Variants in NAV2 observed in about 807,000 individuals in gnomAD.
NAV2 encodes the protein helicase, APC down-regulated 1.
NAV2 carries 54 observed loss-of-function variants against 223.2 expected under a neutral mutation model. The ratio of observed to expected loss-of-function variants is 0.24; its 90% CI spans 0.19 to 0.30. NAV2 has a LOEUF of 0.30. NAV2 is among the 10% of genes least tolerant of loss of function. NAV2 has a pLI of 1.00. For synonymous variants in NAV2, 1,279 were observed against 1,239.3 expected, an observed-to-expected ratio of 1.03 and a Z score of -0.67; for missense variants, 2,806 against 3,147.5, an observed-to-expected ratio of 0.89 and a Z score of 2.60.
chr11:19,509,929 T>C (rs1187439522), intron 1 of NAV2, among the ~76,000 whole-genome samples: 1 of 152,208 alleles, frequency 6.6e-6, no homozygotes, highest in African/African-American at 2.4e-5. Flanking sequence ...GTCTGAGGTC[T>C]TTTCTCATTC....
At chr11:19,612,073 A>T (rs1446567917) in intron 1 of NAV2, among the ~76,000 whole-genome samples, 1 of 152,212 alleles carries the variant, frequency 6.6e-6, no homozygotes, top group Non-Finnish European at 1.5e-5. Flanking sequence ...TCAACACTAC[A>T]TGGAAGCTGC....
At chr11:19,835,310 G>T (rs894671586) in intron 2 of NAV2, among the ~76,000 whole-genome samples, 1 of 152,160 alleles carries the variant, frequency 6.6e-6, no homozygotes, top group Non-Finnish European at 1.5e-5. Context: ...GGATCGCTTT[G>T]TCCAGAGACT....
chr11:19,744,835 G>A (rs954928062), intron 1 of NAV2, among the ~76,000 whole-genome samples: 1 of 152,134 alleles, frequency 6.6e-6, no homozygotes, highest in African/African-American at 2.4e-5. Context: ...GATGTCAAAT[G>A]CCTTCTCTTA....
chr11:19,990,803 G>C (rs2051255138), intron 11 of NAV2, among the ~76,000 whole-genome samples: 1 of 152,148 alleles, frequency 6.6e-6, no homozygotes, highest in Admixed American at 6.5e-5. Context: ...CTCATTTCCA[G>C]TACTCAAAAG....
chr11:19,482,369 CCTGAGCTCT>C lies in NAV2; in HGVS notation c.75+131345_75+131353del, dbSNP rs2042306662. Among the ~76,000 whole-genome samples the C allele has an allele frequency of 1.1e-4, 16 of 152,276 alleles. No individual in the cohort carries two copies. In the South Asian group the frequency reaches 3.3e-3, roughly 32 times the overall value. ...ATGCTGCTGAATTAGTCTCCTGTTACCTGAGCTCTCTACAGTGAAACTCAACTGTCCTGG... is the reference window on the plus strand; with the variant it reads ...ATGCTGCTGAATTAGTCTCCTGTTACCTACAGTGAAACTCAACTGTCCTGG... On this transcript the variant is annotated intron_variant, in intron 1 of 37. Transcript: ENST00000360655.
Position 19,732,855 on chromosome 11 carries a change from A to G in NAV2, c.267+18893A>G, listed in dbSNP as rs549291644. On this transcript the variant is annotated intron_variant, in intron 1 of 37. Coordinates refer to ENST00000349880, the MANE Select transcript of NAV2 (RefSeq NM_145117.5). ...GCATCCTTTAGGAATCTGATGACTT[A>G]CGTGCCTCACACCAACTATTCTTCC... Among the ~76,000 whole-genome samples the G allele has an allele frequency of 7.9e-5, 12 of 152,346 alleles. No homozygotes were observed. The South Asian group carries it at 2.5e-3, about 32-fold the overall frequency.
chr11:19,585,064 T>A (rs2045849362), intron 1 of NAV2, among the ~76,000 whole-genome samples: 1 of 152,238 alleles, frequency 6.6e-6, no homozygotes. Flanking sequence ...TGGGTGCTCC[T>A]ATATTGGGTG....
chr11:19,507,540 A>G (rs570123245), intron 1 of NAV2, among the ~76,000 whole-genome samples: 1 of 152,324 alleles, frequency 6.6e-6, no homozygotes, highest in Admixed American at 6.5e-5. Flanking sequence ...GTGTCACTAA[A>G]TAGCTGCATC....
chr11:19,738,383 A>T lies in NAV2; in HGVS notation c.267+24421A>T, dbSNP rs189259178. ...CCAGGCCGGATTTCCAGTTCTGTAG[A>T]TGTAGATCATAAATGTGGGTGACAG... On this transcript the variant is annotated intron_variant, in intron 1 of 37. Transcript: ENST00000349880. Among the ~76,000 whole-genome samples, 4 of 152,340 alleles carry T rather than the reference A, an allele frequency of 2.6e-5. No individual in the cohort carries two copies. In the East Asian group the frequency reaches 5.8e-4, roughly 22 times the overall value.
chr11:19,471,790 C>T (rs958106458), intron 1 of NAV2, among the ~76,000 whole-genome samples: 7 of 152,154 alleles, frequency 4.6e-5, no homozygotes, highest in African/African-American at 7.2e-5. Flanking sequence ...CCCTACTGCA[C>T]CTCCCCTGGC....
At chr11:20,041,677 G>A (rs900598479) in intron 12 of NAV2, among the ~76,000 whole-genome samples, 1 of 152,186 alleles carries the variant, frequency 6.6e-6, no homozygotes, top group Non-Finnish European at 1.5e-5. Context: ...TATTCCTAGT[G>A]CGAATAAGCT....
intron 1 of NAV2, among the ~76,000 whole-genome samples, chr11:19,724,980 C>G (rs1305718008): frequency 6.6e-6 from 1 of 152,220 alleles, no homozygotes; most frequent in Middle Eastern, 3.2e-3. Context: ...TGTCAAGCCT[C>G]AATTTCCCTG....
chr11:19,403,939 C>A (rs57489799), intron 1 of NAV2, among the ~76,000 whole-genome samples: 124,183 of 151,608 alleles, frequency 0.82, 51,609 homozygotes, highest in Non-Finnish European at 0.9. Flanking sequence ...GTGGCTCTTA[C>A]GGGGACCATG....
intron 3 of NAV2, among the ~76,000 whole-genome samples, chr11:19,850,443 C>T (rs761829710): frequency 2.0e-5 from 3 of 152,084 alleles, no homozygotes; most frequent in Non-Finnish European, 2.9e-5. Flanking sequence ...GATGGACAGA[C>T]GGAAAGACCA....
chr11:19,792,847 T>C (rs1367995564), intron 1 of NAV2, among the ~76,000 whole-genome samples: 2 of 149,642 alleles, frequency 1.3e-5, no homozygotes, highest in African/African-American at 4.9e-5. Flanking sequence ...TTGTGAGGGA[T>C]GGGGGATGGA....
At chr11:20,028,384 C>G (rs1256445321) in intron 11 of NAV2, among the ~76,000 whole-genome samples, 34 of 152,248 alleles carry the variant, frequency 2.2e-4, no homozygotes, top group Non-Finnish European at 1.5e-5. Context: ...CTTTTCCCTT[C>G]ACATCTGTAT....
chr11:19,642,812 A>G (rs58975470), intron 1 of NAV2, among the ~76,000 whole-genome samples: 1,523 of 152,168 alleles, frequency 0.01, 35 homozygotes, highest in East Asian at 0.062. Flanking sequence ...TAATGTGGGC[A>G]CCCATGGCTC....
At chr11:19,624,584 G>A (rs368447768) in intron 1 of NAV2, among the ~76,000 whole-genome samples, 82 of 152,308 alleles carry the variant, frequency 5.4e-4, no homozygotes, top group African/African-American at 1.9e-3. Context: ...CTGGTGTGCC[G>A]TTTGCTGAGA....
intron 6 of NAV2, among the ~76,000 whole-genome samples, chr11:19,904,002 A>G (rs1447320105): frequency 6.6e-6 from 1 of 152,208 alleles, no homozygotes; most frequent in African/African-American, 2.4e-5. Context: ...AAAGCCGTCC[A>G]CCCACTCACT....
Sources: gnomAD v4.1 joint callset for allele counts (sites outside exome capture counted in the v4.1 genomes callset) on GRCh38, gnomAD v4.1.1 for gene constraint, MANE v1.5 for transcripts, NCBI Gene and HGNC (gene_info 2026-07-23, HGNC 2026-07-21) for gene names.